FSTL4: variants seen among roughly 807,000 people sequenced by gnomAD.
FSTL4 encodes the protein follistatin like 4.
In FSTL4, 28 loss-of-function variants were observed where a neutral mutation model predicts 78.2. That is an observed-to-expected ratio of 0.36 (90% CI 0.27 to 0.49). The LOEUF (loss-of-function observed/expected upper bound fraction) is 0.49. Among genes scored for constraint, FSTL4 ranks in the 20% least tolerant of loss-of-function variants. FSTL4 has a pLI of 0.98. For synonymous variants in FSTL4, 422 were observed against 440.5 expected, an observed-to-expected ratio of 0.96 and a Z score of 0.53; for missense variants, 922 against 1,084.9, an observed-to-expected ratio of 0.85 and a Z score of 2.11.
At chr5:133,805,074 G>C in the FSTL4 span, among the ~76,000 whole-genome samples, 62 of 151,214 alleles carry the variant, frequency 4.1e-4, no homozygotes, top group Non-Finnish European at 6.9e-4. Context: ...AATTCCCTCT[G>C]CTTGCCCCTC....
At chr5:133,397,050 A>G (rs1756074680) in intron 4 of FSTL4, among the ~76,000 whole-genome samples, 1 of 152,188 alleles carries the variant, frequency 6.6e-6, no homozygotes, top group African/African-American at 2.4e-5. Flanking sequence ...CAACTATGAC[A>G]TTGTATCATC....
At chr5:133,283,873 C>A (rs77135738) in intron 6 of FSTL4, among the ~76,000 whole-genome samples, 10,305 of 152,208 alleles carry the variant, frequency 0.068, 537 homozygotes, top group East Asian at 0.25. Flanking sequence ...AGGAAACTTA[C>A]AATCATGGCA....
At chr5:133,725,239 C>G in the FSTL4 span, among the ~76,000 whole-genome samples, 1 of 152,156 alleles carries the variant, frequency 6.6e-6, no homozygotes, top group Non-Finnish European at 1.5e-5. Flanking sequence ...AGAATACCAT[C>G]ATTAAAAGGT....
At chr5:133,654,668 G>A in the FSTL4 span, among the ~76,000 whole-genome samples, 1 of 152,144 alleles carries the variant, frequency 6.6e-6, no homozygotes, top group Non-Finnish European at 1.5e-5. Flanking sequence ...GTCCTAGCTT[G>A]GCCTTCAAGG....
intron 6 of FSTL4, among the ~76,000 whole-genome samples, chr5:133,263,383 G>A (rs1439403160): frequency 6.6e-6 from 1 of 152,074 alleles, no homozygotes; most frequent in Non-Finnish European, 1.5e-5. Context: ...AGAGATCTGA[G>A]GGTGGAGTTC....
In FSTL4 at chr5:133,320,121, T is replaced by A. The variant is rs1754010681; in HGVS notation, c.410-3469A>T. Among the ~76,000 whole-genome samples the A allele has an allele frequency of 2.6e-5, 4 of 152,130 alleles. No individual in the cohort carries two copies. In the South Asian group the frequency reaches 8.3e-4, roughly 32 times the overall value. On this transcript the variant is annotated intron_variant, in intron 4 of 15. Coordinates refer to ENST00000265342, the MANE Select transcript of FSTL4 (RefSeq NM_015082.2). Reference sequence around the variant, plus strand: ...CATCCGAATTCCACAGGGCTTGAGGTGGAGTGGGGGAGGGAAAACTTCCTT... The same window carrying A: ...CATCCGAATTCCACAGGGCTTGAGGAGGAGTGGGGGAGGGAAAACTTCCTT...
At chr5:133,280,944 G>A (rs376124496) in intron 6 of FSTL4, among the ~76,000 whole-genome samples, 59 of 152,246 alleles carry the variant, frequency 3.9e-4, no homozygotes, top group African/African-American at 1.3e-3. Context: ...GTAGACTGCC[G>A]CTGTTTTCCT....
At chr5:133,731,114 C>T in the FSTL4 span, among the ~76,000 whole-genome samples, 19,350 of 151,998 alleles carry the variant, frequency 0.13, 1,767 homozygotes, top group African/African-American at 0.25. Context: ...TAAAGAAACA[C>T]TGGGCACGAT....
At chr5:133,328,924 C>T (rs1034262866) in intron 4 of FSTL4, among the ~76,000 whole-genome samples, 1 of 152,174 alleles carries the variant, frequency 6.6e-6, no homozygotes, top group Non-Finnish European at 1.5e-5. Flanking sequence ...CTTTGCTCAG[C>T]GTCAGCGAGG....
At chr5:133,340,018 T>C (rs1754548454) in intron 4 of FSTL4, among the ~76,000 whole-genome samples, 1 of 152,152 alleles carries the variant, frequency 6.6e-6, no homozygotes, top group Non-Finnish European at 1.5e-5. Context: ...CCTGCATGAG[T>C]GCTCACAGGA....
chr5:133,551,190 C>G (rs536522405), intron 3 of FSTL4, among the ~76,000 whole-genome samples: 1 of 152,270 alleles, frequency 6.6e-6, no homozygotes, highest in East Asian at 1.9e-4. Flanking sequence ...AACAATACCA[C>G]CAGCTTTGTT....
intron 3 of FSTL4, among the ~76,000 whole-genome samples, chr5:133,422,094 A>C (rs1170235373): frequency 6.6e-6 from 1 of 151,976 alleles, no homozygotes; most frequent in Non-Finnish European, 1.5e-5. Context: ...GGTGGGAGTG[A>C]ATTTGATGTT....
At chr5:133,686,396 T>C in the FSTL4 span, among the ~76,000 whole-genome samples, 2 of 152,242 alleles carry the variant, frequency 1.3e-5, no homozygotes, top group Non-Finnish European at 2.9e-5. Context: ...TATAAGGTAA[T>C]ATTATAAAAT....
the FSTL4 span, among the ~76,000 whole-genome samples, chr5:133,671,390 C>T: frequency 6.6e-6 from 1 of 151,756 alleles, no homozygotes; most frequent in African/African-American, 2.4e-5. Flanking sequence ...TCACAACAAC[C>T]AAAGAGATAG....
intron 4 of FSTL4, among the ~76,000 whole-genome samples, chr5:133,369,307 A>G (rs1229643562): frequency 6.6e-6 from 1 of 152,234 alleles, no homozygotes; most frequent in Non-Finnish European, 1.5e-5. Context: ...GGCAGCTGGT[A>G]TCTTGCTAAT....
the FSTL4 span, among the ~76,000 whole-genome samples, chr5:133,675,190 T>C: frequency 0.8 from 121,351 of 151,974 alleles, 48,497 homozygotes; most frequent in South Asian, 0.89. Context: ...TCCATTCATG[T>C]GACAGGAAAA....
In FSTL4 at chr5:133,381,822, C is replaced by G. The variant is rs192609512; in HGVS notation, c.409+18916G>C. ...GTGCAGGGTTGTGTGTTCAAGCGTT[C>G]CTATGAGCACTCAGCCCTCACTCTA... On this transcript the variant is annotated intron_variant, in intron 4 of 15. Coordinates refer to ENST00000265342, the MANE Select transcript of FSTL4 (RefSeq NM_015082.2). Among the ~76,000 whole-genome samples, 94 of 152,356 alleles carry G rather than the reference C, an allele frequency of 6.2e-4. 1 individual carries two copies. The highest frequency in any genetic ancestry group is 2.3e-3 in the African/African-American group (94 of 41,576).
chr5:133,548,448 T>C (rs1367900296), intron 3 of FSTL4, among the ~76,000 whole-genome samples: 1 of 152,154 alleles, frequency 6.6e-6, no homozygotes, highest in Non-Finnish European at 1.5e-5. Context: ...CTTTGTCCTA[T>C]GGGTAAGAAT....
chr5:133,317,300 A>G (rs1266653595), intron 4 of FSTL4, among the ~76,000 whole-genome samples: 1 of 152,226 alleles, frequency 6.6e-6, no homozygotes, highest in Non-Finnish European at 1.5e-5. Flanking sequence ...TGTTTGGGGA[A>G]GTAAAGCCTG....
Sources: allele counts gnomAD v4.1 joint callset (sites outside exome capture counted in the v4.1 genomes callset), GRCh38; gene constraint gnomAD v4.1.1; transcripts MANE v1.5; gene names NCBI Gene and HGNC (gene_info 2026-07-23, HGNC 2026-07-21).